PAFAH1B1: variants seen among roughly 807,000 people sequenced by gnomAD.
The protein encoded by PAFAH1B1 is platelet-activating factor acetylhydrolase IB subunit beta.
PAFAH1B1 carries 2 observed loss-of-function variants against 57.5 expected under a neutral mutation model. The ratio of observed to expected loss-of-function variants is 0.03; its 90% CI spans 0.01 to 0.11. The LOEUF (loss-of-function observed/expected upper bound fraction) is 0.11, where lower values mean the gene tolerates loss of function less well. Ranked by LOEUF, PAFAH1B1 falls within the 10% of genes least tolerant of loss-of-function variation. The pLI is 1.00. For synonymous variants in PAFAH1B1, 152 were observed against 169.6 expected (o/e 0.90, Z 0.81); for missense variants, 257 against 512.0 (o/e 0.50, Z 4.81).
chr17:2,681,928 T>A lies in PAFAH1B1; in HGVS notation c.*126T>A. On this transcript the variant is annotated 3_prime_UTR_variant, in exon 11 of 11. Transcript: ENST00000397195. ...CATGTAAATTATTCTGGATGTAGAT[T>A]GAGCTTATTAAATGTTACACACAAA... 1 of 697,824 alleles carries A rather than the reference T, an allele frequency of 1.4e-6. No homozygotes were observed. Among genetic ancestry groups the A allele is most frequent in the South Asian group, 1.9e-5 (1 of 52,324 alleles). The allele number at this position is 697,824 out of a possible 1,614,324, so 43.2% of individuals were successfully genotyped here.
chr17:2,646,163 C>A (rs1463779099), intron 2 of PAFAH1B1, among the ~76,000 whole-genome samples: 1 of 151,818 alleles, frequency 6.6e-6, no homozygotes, highest in African/African-American at 2.4e-5. Context: ...TAAAAGCAGA[C>A]CTTAATAAAA....
intron 2 of PAFAH1B1, among the ~76,000 whole-genome samples, chr17:2,655,618 A>T (rs1026484646): frequency 6.6e-5 from 10 of 152,140 alleles, no homozygotes; most frequent in African/African-American, 2.4e-4. Context: ...CCTCCAGCCT[A>T]GGTGACATGG....
intron 2 of PAFAH1B1, chr17:2,641,551 C>A (rs903610782): frequency 2.6e-5 from 4 of 151,992 alleles, no homozygotes; most frequent in African/African-American, 9.7e-5. Flanking sequence ...CTTGAATTGT[C>A]CCAAATTTGG....
At chr17:2,665,737 G>A (rs1345413536) in intron 3 of PAFAH1B1, among the ~76,000 whole-genome samples, 2 of 152,078 alleles carry the variant, frequency 1.3e-5, no homozygotes, top group African/African-American at 2.4e-5. Flanking sequence ...GAGTAGCTGG[G>A]ATTACAGGCA....
At chr17:2,605,071 GATT>G (rs1316411748) in intron 1 of PAFAH1B1, among the ~76,000 whole-genome samples, 1 of 152,170 alleles carries the variant, frequency 6.6e-6, no homozygotes, top group Non-Finnish European at 1.5e-5. Flanking sequence ...ATTTTGGAGA[GATT>G]ATGCAGGTGG....
chr17:2,601,619 T>C (rs1019453558), intron 1 of PAFAH1B1, among the ~76,000 whole-genome samples: 2 of 152,196 alleles, frequency 1.3e-5, no homozygotes, highest in African/African-American at 4.8e-5. Context: ...TATTTCTATT[T>C]TTAGGAGAGA....
intron 1 of PAFAH1B1, among the ~76,000 whole-genome samples, chr17:2,601,993 A>G (rs7214105): frequency 0.28 from 42,876 of 152,228 alleles, 6,194 homozygotes; most frequent in Middle Eastern, 0.35. Flanking sequence ...AGTTTATCAT[A>G]TATGAATGAA....
rs1000532523 is a variant in PAFAH1B1, at chr17:2,618,773, G to A, written c.-190-19326G>A. Among the ~76,000 whole-genome samples the A allele has an allele frequency of 1.0e-4, 15 of 149,036 alleles. No homozygotes were observed. The East Asian group carries it at 2.6e-3, about 25-fold the overall frequency. On this transcript the variant is annotated intron_variant, in intron 1 of 10. Transcript: ENST00000397195. The stretch of plus-strand genomic sequence containing the variant: ...AGTGATTCTCCTGCTTGGGCCTCAC[G>A]AGTAGCTGGGATTACAGGTACTCGC...
intron 2 of PAFAH1B1, among the ~76,000 whole-genome samples, chr17:2,652,457 T>A (rs987534177): frequency 4.6e-5 from 7 of 152,236 alleles, no homozygotes; most frequent in African/African-American, 1.7e-4. Flanking sequence ...TCCATGTGTT[T>A]TCATGACTGT....
intron 2 of PAFAH1B1, among the ~76,000 whole-genome samples, chr17:2,648,845 A>G (rs1177345340): frequency 1.3e-5 from 2 of 152,110 alleles, no homozygotes; most frequent in Non-Finnish European, 2.9e-5. Context: ...AACAAACATT[A>G]AAATATAAAT....
chr17:2,680,161 A>C lies in PAFAH1B1; in HGVS notation c.1003-3A>C. The C allele has an allele frequency of 6.2e-7, 1 of 1,613,524 alleles. No homozygotes were observed. The highest frequency in any genetic ancestry group is 8.5e-7 in the Non-Finnish European group (1 of 1,179,832). On this transcript the variant is annotated splice_polypyrimidine_tract_variant and splice_region_variant and intron_variant, in intron 9 of 10. Transcript: ENST00000397195. ...TGAGTCAAATAACTTTTTTGTTTTT[A>C]AGGTGGGTCATGATAACTGGGTACG...
chr17:2,671,683 A>G (rs1597573033), intron 6 of PAFAH1B1, among the ~76,000 whole-genome samples: 1 of 143,650 alleles, frequency 7.0e-6, no homozygotes, highest in South Asian at 2.2e-4. Flanking sequence ...GCTCACTGCA[A>G]CCTCCACCTC....
chr17:2,646,036 A>G (rs548335036), intron 2 of PAFAH1B1, among the ~76,000 whole-genome samples: 1 of 152,282 alleles, frequency 6.6e-6, no homozygotes, highest in Non-Finnish European at 1.5e-5. Flanking sequence ...TACAGAAAAT[A>G]CAGTCTTCAA....
At chr17:2,598,455 G>A (rs1004049771) in intron 1 of PAFAH1B1, among the ~76,000 whole-genome samples, 5 of 151,786 alleles carry the variant, frequency 3.3e-5, no homozygotes, top group Non-Finnish European at 7.4e-5. Flanking sequence ...TTTTTTACTT[G>A]CCTCTAAGTC....
intron 5 of PAFAH1B1, among the ~76,000 whole-genome samples, chr17:2,668,881 CAG>C (rs1263310426): frequency 4.6e-5 from 7 of 150,818 alleles, no homozygotes; most frequent in Non-Finnish European, 3.0e-5. Flanking sequence ...GAGGCTGAGT[CAG>C]GAGAATGGCG....
intron 2 of PAFAH1B1, among the ~76,000 whole-genome samples, chr17:2,661,234 A>G (rs913891146): frequency 2.0e-5 from 3 of 152,148 alleles, no homozygotes; most frequent in Non-Finnish European, 4.4e-5. Flanking sequence ...TCATCAAGAA[A>G]TCTTTGCCCA....
intron 1 of PAFAH1B1, among the ~76,000 whole-genome samples, chr17:2,594,709 C>A (rs980685160): frequency 6.6e-6 from 1 of 152,236 alleles, no homozygotes; most frequent in Non-Finnish European, 1.5e-5. Context: ...GATTTTCTTT[C>A]TGCCACCGGC....
intron 1 of PAFAH1B1, among the ~76,000 whole-genome samples, chr17:2,607,979 A>G (rs897966325): frequency 2.6e-5 from 4 of 152,158 alleles, no homozygotes; most frequent in African/African-American, 4.8e-5. Context: ...CTGTATATCT[A>G]TATTAATCTA....
At chr17:2,662,378 T>TGTGTG (rs2069027889) in intron 2 of PAFAH1B1, among the ~76,000 whole-genome samples, 4 of 123,782 alleles carry the variant, frequency 3.2e-5, no homozygotes, top group East Asian at 2.7e-4. Flanking sequence ...TTTAACCTCT[T>TGTGTG]TGTGTGTGTG....
Sources: allele counts gnomAD v4.1 joint callset (sites outside exome capture counted in the v4.1 genomes callset), GRCh38; gene constraint gnomAD v4.1.1; transcripts MANE v1.5; gene names NCBI Gene and HGNC (gene_info 2026-07-23, HGNC 2026-07-21).